The following GTF3C1 variants were observed in gnomAD, a reference collection of about 807,000 sequenced individuals.
GTF3C1 encodes the protein general transcription factor IIIC subunit 1.
A neutral mutation model predicts 226.7 loss-of-function variants in GTF3C1; 57 were observed. The ratio of observed to expected loss-of-function variants is 0.25; its 90% CI spans 0.20 to 0.31. The LOEUF is 0.31. Among genes scored for constraint, GTF3C1 ranks in the 10% least tolerant of loss-of-function variants. GTF3C1 has a pLI of 1.00. For synonymous variants in GTF3C1, 1,090 were observed against 1,084.8 expected (o/e 1.00, Z -0.09); for missense variants, 2,217 against 2,776.1 (o/e 0.80, Z 4.53).
rs1457820771 is a variant in GTF3C1 at position 27,538,002 on chromosome 16, T to TA, written c.609-76dup. The TA allele has an allele frequency of 4.0e-6, 6 of 1,499,426 alleles. No homozygotes were observed. In the Admixed American group the frequency reaches 1.1e-4, roughly 28 times the overall value. 92.9% of individuals were successfully genotyped at this position (1,499,426 alleles called of 1,614,324 possible). ...ATGTATAGAGTCTCTCACTTGGACA[T>TA]AAACACCAGAGACACAAACCTCCTG... is the stretch of plus-strand genomic sequence containing the variant. On this transcript the variant is annotated intron_variant, in intron 3 of 36. Transcript: ENST00000356183.
In GTF3C1 at chr16:27,462,260, T is replaced by TCCACACCCTGCTGAACCCAGGAAGGCC. The variant is rs1567380817; in HGVS notation, c.6117+7_6117+33dup. 1 of 1,508,038 alleles carries TCCACACCCTGCTGAACCCAGGAAGGCC rather than the reference T, an allele frequency of 6.6e-7. No homozygotes were observed. Among genetic ancestry groups the TCCACACCCTGCTGAACCCAGGAAGGCC allele is most frequent in the Admixed American group, 2.0e-5 (1 of 50,548 alleles). The allele number at this position is 1,508,038 out of a possible 1,614,324, so 93.4% of individuals were successfully genotyped here. The stretch of plus-strand genomic sequence containing the variant: ...GGGCCACTGAGTGCACCCAGCCGCC[T>TCCACACCCTGCTGAACCCAGGAAGGCC]CCACACCCTGCTGAACCCAGGAAGG... On this transcript the variant is annotated intron_variant, in intron 36 of 36. Transcript: ENST00000356183. This position sits in a 1 kb window ranked among gnomAD's most constrained non-coding sequence, Gnocchi z 4.5.
intron 6 of GTF3C1, among the ~76,000 whole-genome samples, chr16:27,515,349 T>C (rs1394778182): frequency 6.6e-6 from 1 of 151,704 alleles, no homozygotes; most frequent in Non-Finnish European, 1.5e-5. Flanking sequence ...CTCGGAAGGC[T>C]GAAGCAGGAG....
intron 1 of GTF3C1, among the ~76,000 whole-genome samples, chr16:27,547,213 C>G (rs1441430661): frequency 1.3e-5 from 2 of 152,188 alleles, no homozygotes; most frequent in African/African-American, 4.8e-5. Context: ...CTCAAGACCT[C>G]CAACCACACT....
chr16:27,548,860 G>C (rs1199371326), intron 1 of GTF3C1, among the ~76,000 whole-genome samples: 1 of 152,158 alleles, frequency 6.6e-6, no homozygotes, highest in East Asian at 1.9e-4. Flanking sequence ...TAGATTCTTA[G>C]AACAGCAATG....
rs2088527435 is a variant in GTF3C1, at chr16:27,508,799, TCCTCCCAAGCGTGCTTC to T, written c.1127-161_1127-145del. 5 of 636,968 alleles carry T rather than the reference TCCTCCCAAGCGTGCTTC, an allele frequency of 7.8e-6. No homozygotes were observed. In the South Asian group the frequency reaches 9.5e-5, roughly 12 times the overall value. The allele number at this position is 636,968 out of a possible 1,614,324, so 39.5% of individuals were successfully genotyped here. ...AAACATACGCCATTTCTCTCCCTTA[TCCTCCCAAGCGTGCTTC>T]CCTCCCAAGCCTCTGAGTAATATAC... is the stretch of plus-strand genomic sequence containing the variant. On this transcript the variant is annotated intron_variant, in intron 7 of 36. Transcript: ENST00000356183.
In GTF3C1 at chr16:27,497,672, C is replaced by G; in HGVS notation, c.2315G>C (p.Gly772Ala). Residue 772 changes from glycine to alanine, a missense_variant, in exon 14 of 37, where the codon GGC becomes GCC. By Grantham distance (60) the Gly-to-Ala change is moderately conservative. Coordinates refer to ENST00000356183, the MANE Select transcript of GTF3C1 (RefSeq NM_001520.4). The stretch of plus-strand genomic sequence containing the variant: ...GTGATAATTTCTAAGCGGGGTTATG[C>G]CCATTTTATTATCACTTTTTTTCAT... ...GRMKKSDNKM[G>A]ITPLRNYHPI... is the part of the protein sequence containing the mutation. 4.3e-6 allele frequency: 7 copies of G among 1,613,888 alleles called. No homozygotes were observed. The highest frequency in any genetic ancestry group is 5.9e-6 in the Non-Finnish European group (7 of 1,179,794).
rs61739285 is a variant in GTF3C1, at chr16:27,469,476, C to T, written c.4889G>A (p.Arg1630His). 0.029 allele frequency: 47,358 copies of T among 1,614,166 alleles called. 778 individuals are homozygous for T. The highest frequency in any genetic ancestry group is 0.034 in the Non-Finnish European group (40,132 of 1,179,992). ...CGCAGGTTTCACCTCCATGCTCCGGCGCTTGCCCCCTACACCTTCGTCCAA... is the reference window on the plus strand; with the variant it reads ...CGCAGGTTTCACCTCCATGCTCCGGTGCTTGCCCCCTACACCTTCGTCCAA... ...DDLDEGVGGK[R>H]RSMEVKPAQA... Residue 1630 changes from arginine to histidine, a missense_variant, in exon 32 of 37, where the codon CGC becomes CAC. Arg to His is a conservative substitution (Grantham distance 29, BLOSUM62 0). This residue lies in a region of GTF3C1 where 546 missense variants were observed against 663.0 expected (regional missense o/e 0.82). Coordinates refer to ENST00000356183, the MANE Select transcript of GTF3C1 (RefSeq NM_001520.4). This position sits in a 1 kb window ranked among gnomAD's most constrained non-coding sequence, Gnocchi z 4.5.
rs1355226006 is a variant in GTF3C1 at position 27,471,044 on chromosome 16, T to C, written c.4527-649A>G. On this transcript the variant is annotated intron_variant, in intron 30 of 36. Transcript: ENST00000356183. The surrounding 1 kb of genome is among the most constrained non-coding windows in gnomAD (Gnocchi z 5.0). ...CTGAGGGTCATTCGGGGTCAGGGTC[T>C]GGGGAGGAGGAAGTGTCTGCCGTCG... is the stretch of plus-strand genomic sequence containing the variant. Among the ~76,000 whole-genome samples, 1 of 152,190 alleles carries C rather than the reference T, an allele frequency of 6.6e-6. No individual in the cohort carries two copies. The highest frequency in any genetic ancestry group is 2.4e-5 in the African/African-American group (1 of 41,440).
In GTF3C1 at chr16:27,463,615, TGA is replaced by T; in HGVS notation, c.5873-25_5873-24del. ...ACCCTGAGGGAAGAGGAAGAGAATGTGAGAGACTCGGAAAGTCAGGGAAGCCA... is the reference window on the plus strand; with the variant it reads ...ACCCTGAGGGAAGAGGAAGAGAATGTGAGACTCGGAAAGTCAGGGAAGCCA... On this transcript the variant is annotated intron_variant, in intron 34 of 36. Transcript: ENST00000356183. This position sits in a 1 kb window ranked among gnomAD's most constrained non-coding sequence, Gnocchi z 4.9. 1.3e-6 allele frequency: 2 copies of T among 1,496,574 alleles called. No individual in the cohort carries two copies. Among genetic ancestry groups the T allele is most frequent in the African/African-American group, 1.4e-5 (1 of 72,976 alleles). The allele number at this position is 1,496,574 out of a possible 1,614,324, so 92.7% of individuals were successfully genotyped here. A position where few individuals can be genotyped will look rare whatever the true frequency, so the allele number is the denominator to read the frequency against.
At chr16:27,489,769 C>G (rs1303661998) in intron 19 of GTF3C1, 26 bp from the exon 20 acceptor site, 1 of 1,602,336 alleles carries the variant, frequency 6.2e-7, no homozygotes, top group Admixed American at 1.7e-5. Flanking sequence ...TCAGGGTGAC[C>G]AATCACGCCT....
Position 27,476,505 on chromosome 16 carries a change from G to C in GTF3C1, c.4299C>G (p.Ile1433Met). 6.2e-7 allele frequency: 1 copy of C among 1,613,354 alleles called. No homozygotes were observed. Among genetic ancestry groups the C allele is most frequent in the Non-Finnish European group, 8.5e-7 (1 of 1,179,334 alleles). Residue 1433 changes from isoleucine to methionine, a missense_variant, in exon 29 of 37, where the codon ATC becomes ATG. Transcript: ENST00000356183. The stretch of plus-strand genomic sequence containing the variant: ...TGTCTGAGAGGGCCAGCGTGCTCTG[G>C]ATCAGGTTCTGAAGCACCAGAAAGT... ...DIHFLVLQNL[I>M]QSTLALSDSQ...
At chr16:27,476,397 C>G in intron 29 of GTF3C1, 54 bp downstream of exon 29, 1 of 1,157,404 alleles carries the variant, frequency 8.6e-7, no homozygotes, top group Non-Finnish European at 1.3e-6. Context: ...CCTCACGAGC[C>G]TGGCCTCGGA....
rs377069875 is a variant in GTF3C1 at position 27,511,710 on chromosome 16, C to T, written c.1126+39G>A. ...CAAAGCGCTTCTTGACTCAAATTCT[C>T]GGGATCCATATCCAAGCTGGCATGG... On this transcript the variant is annotated intron_variant, in intron 7 of 36. Coordinates refer to ENST00000356183, the MANE Select transcript of GTF3C1 (RefSeq NM_001520.4). 45 of 1,605,992 alleles carry T rather than the reference C, an allele frequency of 2.8e-5. No homozygotes were observed. In the South Asian group the frequency reaches 3.6e-4, roughly 13 times the overall value.
chr16:27,486,271 G>T, intron 23 of GTF3C1, 117 bp from the exon 24 acceptor site: 1 of 591,542 alleles, frequency 1.7e-6, no homozygotes, highest in Non-Finnish European at 3.0e-6. Flanking sequence ...GTATTGGTTA[G>T]CAGATACTCA....
chr16:27,516,510 T>C (rs2088661107), intron 6 of GTF3C1, among the ~76,000 whole-genome samples: 1 of 152,256 alleles, frequency 6.6e-6, no homozygotes, highest in Non-Finnish European at 1.5e-5. Flanking sequence ...GAATCCCAAC[T>C]GCTCTGACTC....
chr16:27,478,017 A>G (rs1421009013), intron 28 of GTF3C1, among the ~76,000 whole-genome samples: 1 of 152,134 alleles, frequency 6.6e-6, no homozygotes, highest in African/African-American at 2.4e-5. Context: ...TAAAAAATAC[A>G]AAAATTAGCT....
intron 2 of GTF3C1, among the ~76,000 whole-genome samples, chr16:27,539,937 T>A (rs2089057461): frequency 6.6e-6 from 1 of 152,106 alleles, no homozygotes; most frequent in Non-Finnish European, 1.5e-5. Flanking sequence ...TGGCCCAAGG[T>A]AGAGGACCCC....
At chr16:27,494,550 A>G (rs533667627) in intron 16 of GTF3C1, among the ~76,000 whole-genome samples, 1 of 152,238 alleles carries the variant, frequency 6.6e-6, no homozygotes, top group African/African-American at 2.4e-5. Flanking sequence ...CATCCACCCA[A>G]TCATCTTTCT....
At chr16:27,496,439 G>C (rs2088317618) in intron 14 of GTF3C1, among the ~76,000 whole-genome samples, 1 of 152,172 alleles carries the variant, frequency 6.6e-6, no homozygotes, top group Non-Finnish European at 1.5e-5. Flanking sequence ...TTGAAACAGA[G>C]TCTCGCTCTG....
Sources: allele counts gnomAD v4.1 joint callset (sites outside exome capture counted in the v4.1 genomes callset), GRCh38; gene constraint gnomAD v4.1.1; regional missense constraint gnomAD v4.1.1; non-coding constraint Gnocchi (gnomAD v3.1); transcripts MANE v1.5; gene names NCBI Gene and HGNC (gene_info 2026-07-23, HGNC 2026-07-21).